Variants in SC5D observed in about 807,000 individuals in gnomAD.
SC5D encodes sterol-C5-desaturase, also known as lathosterol oxidase.
A neutral mutation model predicts 23.9 loss-of-function variants in SC5D; 21 were observed. The ratio of observed to expected loss-of-function variants is 0.88; its 90% CI spans 0.62 to 1.26. The LOEUF (loss-of-function observed/expected upper bound fraction) is 1.26. Among genes scored for constraint, SC5D ranks in the 50% most tolerant of loss-of-function variants. The pLI is 0.00. For synonymous variants in SC5D, 113 were observed against 125.9 expected, an observed-to-expected ratio of 0.90 and a Z score of 0.68; for missense variants, 309 against 364.8, an observed-to-expected ratio of 0.85 and a Z score of 1.25.
intron 1 of SC5D, among the ~76,000 whole-genome samples, chr11:121,300,687 T>C (rs955076849): frequency 6.6e-6 from 1 of 152,174 alleles, no homozygotes. Context: ...ATGATTCCCA[T>C]GAGCAGGGCT....
rs886047877 is a variant in SC5D at position 121,312,747 on chromosome 11, TA to T, written c.*5241del. 2.0e-5 allele frequency among the ~76,000 whole-genome samples: 3 copies of T among 151,774 alleles called. No homozygotes were observed. Among genetic ancestry groups the T allele is most frequent in the Admixed American group, 2.0e-4 (3 of 15,260 alleles). On this transcript the variant is annotated 3_prime_UTR_variant, in exon 5 of 5. Transcript: ENST00000264027. ...CAGAGCAAGACCCTATCTCTAAAAATAAAAAAGTATATATATATAAAAATAT... is the reference window on the plus strand; with the variant it reads ...CAGAGCAAGACCCTATCTCTAAAAATAAAAAGTATATATATATAAAAATAT...
intron 1 of SC5D, among the ~76,000 whole-genome samples, chr11:121,302,701 G>C (rs1261812440): frequency 6.6e-6 from 1 of 152,250 alleles, no homozygotes; most frequent in East Asian, 1.9e-4. Context: ...TTACAAAGCA[G>C]GCTCTGAGTT....
At chr11:121,297,176 G>A (rs183465320) in intron 1 of SC5D, among the ~76,000 whole-genome samples, 2 of 152,290 alleles carry the variant, frequency 1.3e-5, no homozygotes, top group African/African-American at 2.4e-5. Context: ...CTCTTATGGA[G>A]AGCGATGTAG....
chr11:121,296,416 A>G (rs1218005785), intron 1 of SC5D, among the ~76,000 whole-genome samples: 1 of 152,190 alleles, frequency 6.6e-6, no homozygotes, highest in Non-Finnish European at 1.5e-5. Context: ...GCAGTGAGCC[A>G]TGAATGCATC....
At chr11:121,297,588 C>T (rs1359874736) in intron 1 of SC5D, among the ~76,000 whole-genome samples, 1 of 152,088 alleles carries the variant, frequency 6.6e-6, no homozygotes, top group Non-Finnish European at 1.5e-5. Context: ...TTGGGTTTAA[C>T]GTGGCAGTGT....
At chr11:121,294,757 A>G (rs1433304111) in intron 1 of SC5D, among the ~76,000 whole-genome samples, 1 of 152,198 alleles carries the variant, frequency 6.6e-6, no homozygotes, top group African/African-American at 2.4e-5. Context: ...CCTCACAGCA[A>G]TCAAACATGT....
Position 121,311,146 on chromosome 11 carries a change from C to T in SC5D, c.*3634C>T, listed in dbSNP as rs1244270625. ...TCATCATTGTATTAAACCACTCATC[C>T]TTAACAAATGCCCAAGCCATGGTTA... On this transcript the variant is annotated 3_prime_UTR_variant, in exon 5 of 5. Coordinates refer to ENST00000264027, the MANE Select transcript of SC5D (RefSeq NM_006918.5). Among the ~76,000 whole-genome samples, 1 of 152,186 alleles carries T rather than the reference C, an allele frequency of 6.6e-6. No homozygotes were observed. Among genetic ancestry groups the T allele is most frequent in the Non-Finnish European group, 1.5e-5 (1 of 68,038 alleles).
chr11:121,301,806 A>G (rs1415434606), intron 1 of SC5D, among the ~76,000 whole-genome samples: 2 of 152,124 alleles, frequency 1.3e-5, no homozygotes, highest in Non-Finnish European at 2.9e-5. Flanking sequence ...GGAGCATGAT[A>G]TTTATGTAGG....
At chr11:121,294,706 C>A (rs1947877156) in intron 1 of SC5D, among the ~76,000 whole-genome samples, 1 of 151,988 alleles carries the variant, frequency 6.6e-6, no homozygotes, top group Non-Finnish European at 1.5e-5. Context: ...TATTGAGTAC[C>A]TTTCTTGGGT....
chr11:121,301,007 G>A (rs965683594), intron 1 of SC5D, among the ~76,000 whole-genome samples: 1 of 152,236 alleles, frequency 6.6e-6, no homozygotes, highest in African/African-American at 2.4e-5. Flanking sequence ...GGGGCAGGGT[G>A]GGCGGTGGTG....
intron 1 of SC5D, among the ~76,000 whole-genome samples, chr11:121,299,198 T>G (rs1947909829): frequency 6.6e-6 from 1 of 152,232 alleles, no homozygotes; most frequent in Non-Finnish European, 1.5e-5. Context: ...ATAAGACAGA[T>G]GACATTGGTA....
In SC5D at chr11:121,300,438, G is replaced by A. The variant is rs1169358004; in HGVS notation, c.-10-2928G>A. ...ACAACCCAGAAAATCATCACCACTT[G>A]ATCTCTCTGGCAATTCTCAAGGCTT... is the stretch of plus-strand genomic sequence containing the variant. On this transcript the variant is annotated intron_variant, in intron 1 of 4. Coordinates refer to ENST00000264027, the MANE Select transcript of SC5D (RefSeq NM_006918.5). 3.9e-5 allele frequency among the ~76,000 whole-genome samples: 6 copies of A among 152,208 alleles called. No individual in the cohort carries two copies. The East Asian group carries it at 1.2e-3, about 29-fold the overall frequency.
At position 121,307,542 on chromosome 11, in the gene SC5D, C is replaced by A. The variant is rs1565570563; in HGVS notation, c.*30C>A. ...TTGCCCAGTTATTCTTAAGTAAGGA[C>A]AAAGAAGGAAATATCATCGTATTTC... On this transcript the variant is annotated 3_prime_UTR_variant, in exon 5 of 5. Coordinates refer to ENST00000264027, the MANE Select transcript of SC5D (RefSeq NM_006918.5). 9 of 1,416,420 alleles carry A rather than the reference C, an allele frequency of 6.4e-6. No homozygotes were observed. The highest frequency in any genetic ancestry group is 2.3e-5 in the East Asian group (1 of 43,422). The allele number at this position is 1,416,420 out of a possible 1,614,324, so 87.7% of individuals were successfully genotyped here.
At chr11:121,297,096 T>C (rs1947894743) in intron 1 of SC5D, among the ~76,000 whole-genome samples, 1 of 152,226 alleles carries the variant, frequency 6.6e-6, no homozygotes, top group Non-Finnish European at 1.5e-5. Context: ...TGATATCCCC[T>C]GCTAGTAAGA....
At chr11:121,295,015 C>T (rs1242669886) in intron 1 of SC5D, among the ~76,000 whole-genome samples, 3 of 152,216 alleles carry the variant, frequency 2.0e-5, no homozygotes, top group Non-Finnish European at 4.4e-5. Flanking sequence ...TAACCAGGCT[C>T]GCTTTTGAAC....
In SC5D at chr11:121,308,925, A is replaced by T. The variant is rs929108589; in HGVS notation, c.*1413A>T. 2.0e-5 allele frequency among the ~76,000 whole-genome samples: 3 copies of T among 152,238 alleles called. No homozygotes were observed. The highest frequency in any genetic ancestry group is 4.4e-5 in the Non-Finnish European group (3 of 68,042). On this transcript the variant is annotated 3_prime_UTR_variant, in exon 5 of 5. Transcript: ENST00000264027. ...AATGTCATCTTATTTAAATGTACCA[A>T]TTAGCATTTTGTAATAGGCAAATGT...
intron 4 of SC5D, chr11:121,306,842 T>A (rs1310312136): frequency 7.7e-6 from 5 of 645,718 alleles, no homozygotes; most frequent in Non-Finnish European, 1.4e-5. Context: ...ACTTCACCAC[T>A]GTGCAGTATA....
chr11:121,302,054 T>C (rs1367236475), intron 1 of SC5D, among the ~76,000 whole-genome samples: 1 of 152,218 alleles, frequency 6.6e-6, no homozygotes, highest in Admixed American at 6.5e-5. Context: ...TTGTATGTCT[T>C]TTCCTGTCAG....
chr11:121,310,012 T>C lies in SC5D; in HGVS notation c.*2500T>C, dbSNP rs1350952502. Among the ~76,000 whole-genome samples the C allele has an allele frequency of 6.6e-6, 1 of 152,178 alleles. No homozygotes were observed. The highest frequency in any genetic ancestry group is 1.5e-5 in the Non-Finnish European group (1 of 68,026). Reference sequence around the variant, plus strand: ...TGCTGTCTCTGCAGTACTGAGTGAATTTCCTTATACCCTTGTATCATGTTT... The same window carrying C: ...TGCTGTCTCTGCAGTACTGAGTGAACTTCCTTATACCCTTGTATCATGTTT... On this transcript the variant is annotated 3_prime_UTR_variant, in exon 5 of 5. Transcript: ENST00000264027.
Sources: allele counts gnomAD v4.1 joint callset (sites outside exome capture counted in the v4.1 genomes callset), GRCh38; gene constraint gnomAD v4.1.1; transcripts MANE v1.5; gene names NCBI Gene and HGNC (gene_info 2026-07-23, HGNC 2026-07-21).